Variants in FAM81B observed in about 807,000 individuals in gnomAD.
FAM81B encodes family with sequence similarity 81 member B, also known as protein FAM81B.
In FAM81B, 60 loss-of-function variants were observed where a neutral mutation model predicts 58.7. The observed-to-expected ratio is 1.02, with a 90% CI of 0.83 to 1.27. The LOEUF (loss-of-function observed/expected upper bound fraction) is 1.27. FAM81B is among the 50% of genes most tolerant of loss of function. The pLI is 0.00. For missense variants in FAM81B, 491 were observed against 522.0 expected, an observed-to-expected ratio of 0.94 and a Z score of 0.58; for synonymous variants, 189 against 179.6, an observed-to-expected ratio of 1.05 and a Z score of -0.42.
intron 5 of FAM81B, among the ~76,000 whole-genome samples, chr5:95,420,931 T>C (rs1257668462): frequency 6.6e-6 from 1 of 152,190 alleles, no homozygotes. Context: ...GACTTGTGAA[T>C]GGCTGACTGT....
chr5:95,438,980 T>A (rs1236304244), intron 7 of FAM81B, among the ~76,000 whole-genome samples: 1 of 150,874 alleles, frequency 6.6e-6, no homozygotes, highest in East Asian at 1.9e-4. Flanking sequence ...TCTATACCTA[T>A]TACTCAATTA....
intron 5 of FAM81B, 76 bp downstream of exon 5, chr5:95,420,478 T>A: frequency 6.3e-7 from 1 of 1,584,272 alleles, no homozygotes; most frequent in South Asian, 1.1e-5. Context: ...ACAAGCTCCA[T>A]GCTGTGGAAA....
intron 3 of FAM81B, among the ~76,000 whole-genome samples, chr5:95,407,023 G>A (rs1405165219): frequency 6.6e-6 from 1 of 152,054 alleles, no homozygotes; most frequent in African/African-American, 2.4e-5. Context: ...AAGTAGAGGT[G>A]TGCTGGCTCT....
rs1425216628 is a variant in FAM81B, at chr5:95,430,755, G to C, written c.786+2023G>C. 4.6e-5 allele frequency among the ~76,000 whole-genome samples: 7 copies of C among 152,158 alleles called. No individual in the cohort carries two copies. The South Asian group carries it at 1.2e-3, about 27-fold the overall frequency. ...TAAGCAGAGAGAGTACATGTGTGTTGTTTTGAAAGATCTTGCCAAATTGCT... is the reference window on the plus strand; with the variant it reads ...TAAGCAGAGAGAGTACATGTGTGTTCTTTTGAAAGATCTTGCCAAATTGCT... On this transcript the variant is annotated intron_variant, in intron 6 of 9. Coordinates refer to ENST00000283357, the MANE Select transcript of FAM81B (RefSeq NM_152548.3).
chr5:95,399,947 G>C (rs1233066961), intron 3 of FAM81B, among the ~76,000 whole-genome samples: 2 of 152,128 alleles, frequency 1.3e-5, no homozygotes, highest in African/African-American at 4.8e-5. Context: ...AAGAGGAGAG[G>C]CTAACTAAAA....
chr5:95,429,506 T>C (rs1286026178), intron 6 of FAM81B, among the ~76,000 whole-genome samples: 2 of 152,246 alleles, frequency 1.3e-5, no homozygotes, highest in African/African-American at 4.8e-5. Flanking sequence ...GTTTGATTAT[T>C]TGTTGGTAGG....
In FAM81B at chr5:95,420,371, G is replaced by A. The variant is rs1340277181; in HGVS notation, c.625G>A (p.Gly209Arg). Residue 209 changes from glycine (G) to arginine (R), a missense_variant, in exon 5 of 10, where the codon GGA becomes AGA. Gly to Arg is a moderately radical substitution (Grantham distance 125, BLOSUM62 -2). Coordinates refer to ENST00000283357, the MANE Select transcript of FAM81B (RefSeq NM_152548.3). ...CGAGATAAACATCAAACACCTACAA[G>A]GAGTTGGAGATCTTCGAGGAAGAGT... ...VHEINIKHLQ[G>R]VGDLRGRVAR... 6 of 1,613,824 alleles carry A rather than the reference G, an allele frequency of 3.7e-6. No homozygotes were observed. Among genetic ancestry groups the A allele is most frequent in the South Asian group, 2.2e-5 (2 of 91,070 alleles).
intron 3 of FAM81B, among the ~76,000 whole-genome samples, chr5:95,397,607 G>A (rs1458123245): frequency 6.6e-6 from 1 of 152,202 alleles, no homozygotes. Context: ...TTAAGCAGCA[G>A]AAGATAAACT....
In FAM81B at chr5:95,413,953, T is replaced by C. The variant is rs752889245; in HGVS notation, c.300T>C (p.His100=). ...TDLVEYVDKS[H]AFLPIIPNTQ... The stretch of plus-strand genomic sequence containing the variant: ...TTTTCCTTTTTCTGATCAGGAGTCA[T>C]GCTTTTCTCCCCATCATTCCAAACA... The change falls in exon 4 of 10, where the codon CAT becomes CAC. Residue 100 remains histidine (H), a synonymous_variant. Coordinates refer to ENST00000283357, the MANE Select transcript of FAM81B (RefSeq NM_152548.3). 4 of 1,612,572 alleles carry C rather than the reference T, an allele frequency of 2.5e-6. No individual in the cohort carries two copies. Among genetic ancestry groups the C allele is most frequent in the Non-Finnish European group, 3.4e-6 (4 of 1,179,360 alleles).
intron 3 of FAM81B, among the ~76,000 whole-genome samples, chr5:95,399,538 G>A (rs559846585): frequency 6.6e-6 from 1 of 151,904 alleles, no homozygotes; most frequent in South Asian, 2.1e-4. Context: ...ACAGTCACAG[G>A]GATTGGGCAT....
At chr5:95,392,155 T>A (rs1052318181) in intron 1 of FAM81B, among the ~76,000 whole-genome samples, 2 of 152,138 alleles carry the variant, frequency 1.3e-5, no homozygotes, top group African/African-American at 4.8e-5. Flanking sequence ...ATATACACCA[T>A]GGAATACTAT....
In FAM81B at chr5:95,447,744, A is replaced by G. The variant is rs185710750; in HGVS notation, c.1030-525A>G. On this transcript the variant is annotated intron_variant, in intron 8 of 9. Transcript: ENST00000283357. The stretch of plus-strand genomic sequence containing the variant: ...AGGAGAAAAGCAGCTGATTATCCTA[A>G]GGCTGACTCTGCAGTCCCTACCTTG... Among the ~76,000 whole-genome samples, 230 of 152,334 alleles carry G rather than the reference A, an allele frequency of 1.5e-3. 1 individual carries two copies. The highest frequency in any genetic ancestry group is 5.4e-3 in the African/African-American group (224 of 41,580).
chr5:95,448,509 T>C, intron 9 of FAM81B, 45 bp downstream of exon 9: 1 of 1,527,018 alleles, frequency 6.5e-7, no homozygotes, highest in Non-Finnish European at 8.8e-7. Context: ...TGTCCTTTCC[T>C]GTTCAATCCC....
rs189498597 is a variant in FAM81B, at chr5:95,418,746, G to T, written c.538-1538G>T. ...ACTACTGTACTTCTAAGACTAGAAA[G>T]TTCCTCATTCAAAGACAAAATAATC... On this transcript the variant is annotated intron_variant, in intron 4 of 9. Transcript: ENST00000283357. Among the ~76,000 whole-genome samples, 382 of 152,196 alleles carry T rather than the reference G, an allele frequency of 2.5e-3. 2 individuals are homozygous for T. The highest frequency in any genetic ancestry group is 8.8e-3 in the African/African-American group (364 of 41,522).
intron 7 of FAM81B, among the ~76,000 whole-genome samples, chr5:95,443,749 T>C (rs1449050862): frequency 6.6e-6 from 1 of 152,226 alleles, no homozygotes; most frequent in Non-Finnish European, 1.5e-5. Context: ...ATCCAACTTC[T>C]GGGTGTTACC....
intron 9 of FAM81B, among the ~76,000 whole-genome samples, chr5:95,449,859 A>G (rs984734046): frequency 4.6e-5 from 7 of 152,266 alleles, no homozygotes; most frequent in African/African-American, 1.4e-4. Flanking sequence ...AGAATAAAAT[A>G]TTTTAAATTT....
At chr5:95,402,189 T>C (rs78984177) in intron 3 of FAM81B, among the ~76,000 whole-genome samples, 5,715 of 152,328 alleles carry the variant, frequency 0.038, 207 homozygotes, top group African/African-American at 0.096. Context: ...ATTTGAATAA[T>C]GGCCTCGTCA....
intron 4 of FAM81B, among the ~76,000 whole-genome samples, chr5:95,415,541 G>A (rs551714421): frequency 7.2e-5 from 11 of 152,234 alleles, no homozygotes; most frequent in African/African-American, 2.4e-4. Flanking sequence ...GTGCTTCAAA[G>A]GTCAATGCCA....
chr5:95,420,551 A>G, intron 5 of FAM81B, 149 bp downstream of exon 5: 1 of 1,135,440 alleles, frequency 8.8e-7, no homozygotes, highest in Middle Eastern at 2.1e-4. Context: ...TGTACCATAG[A>G]ACTTTCAATG....
Sources: gnomAD v4.1 joint callset for allele counts (sites outside exome capture counted in the v4.1 genomes callset) on GRCh38, gnomAD v4.1.1 for gene constraint, MANE v1.5 for transcripts, NCBI Gene and HGNC (gene_info 2026-07-23, HGNC 2026-07-21) for gene names.